The following CNTNAP5 variants were observed in gnomAD, a reference collection of about 807,000 sequenced individuals.
CNTNAP5 encodes the protein contactin-associated protein-like 5.
A neutral mutation model predicts 150.2 loss-of-function variants in CNTNAP5; 72 were observed. The observed-to-expected ratio is 0.48, with a 90% CI of 0.40 to 0.58. The LOEUF is 0.58. Ranked by LOEUF, CNTNAP5 falls within the 20% of genes least tolerant of loss-of-function variation. The pLI, the probability that CNTNAP5 is intolerant of heterozygous loss-of-function variation, is 0.00. For missense variants in CNTNAP5, 1,636 were observed against 1,626.2 expected (o/e 1.01, Z -0.10); for synonymous variants, 672 against 619.8 (o/e 1.08, Z -1.25).
intron 4 of CNTNAP5, among the ~76,000 whole-genome samples, chr2:124,421,050 TTCC>T (rs1378660257): frequency 2.0e-5 from 3 of 152,208 alleles, no homozygotes; most frequent in Non-Finnish European, 4.4e-5. Flanking sequence ...AACCTCGTTT[TTCC>T]TCCTATCTCA....
chr2:124,643,563 A>T (rs1020061931), intron 12 of CNTNAP5, among the ~76,000 whole-genome samples: 2 of 152,180 alleles, frequency 1.3e-5, no homozygotes, highest in East Asian at 3.9e-4. Context: ...ATCACAGTCC[A>T]TCGCACTTGT....
chr2:124,374,024 A>G (rs1330679893), intron 3 of CNTNAP5, among the ~76,000 whole-genome samples: 1 of 152,082 alleles, frequency 6.6e-6, no homozygotes, highest in Non-Finnish European at 1.5e-5. Flanking sequence ...TGTGCATAGA[A>G]GAGATAATAT....
chr2:124,295,946 T>C, intron 3 of CNTNAP5, among the ~76,000 whole-genome samples: 1 of 152,334 alleles, frequency 6.6e-6, no homozygotes, highest in South Asian at 2.1e-4. Context: ...AGGAAATTAA[T>C]AATAACAAAA....
At chr2:124,771,680 C>A (rs1681196148) in intron 16 of CNTNAP5, among the ~76,000 whole-genome samples, 1 of 151,898 alleles carries the variant, frequency 6.6e-6, no homozygotes, top group Non-Finnish European at 1.5e-5. Context: ...CCACTATCAT[C>A]ACCACCACCA....
intron 11 of CNTNAP5, among the ~76,000 whole-genome samples, chr2:124,600,545 C>T (rs7558706): frequency 0.43 from 65,989 of 151,832 alleles, 14,963 homozygotes; most frequent in East Asian, 0.8. Context: ...TTGCACCTGC[C>T]GCATCTCATG....
intron 12 of CNTNAP5, among the ~76,000 whole-genome samples, chr2:124,638,072 G>A (rs1172485189): frequency 6.6e-6 from 1 of 151,788 alleles, no homozygotes; most frequent in Non-Finnish European, 1.5e-5. Flanking sequence ...GCATGTGTGT[G>A]TGTGCGTGTA....
rs901371133 is a variant in CNTNAP5 at position 124,919,492 on chromosome 2, G to A, written c.*5204G>A. ...TTTTGGTTTCAACCACACCTGCTGC[G>A]AACTTGACGAGGAGGAAGAGGGGCC... On this transcript the variant is annotated 3_prime_UTR_variant, in exon 24 of 24. Transcript: ENST00000682447. Among the ~76,000 whole-genome samples the A allele has an allele frequency of 5.3e-5, 8 of 152,030 alleles. No homozygotes were observed. The highest frequency in any genetic ancestry group is 1.2e-4 in the Non-Finnish European group (8 of 67,988).
intron 13 of CNTNAP5, among the ~76,000 whole-genome samples, chr2:124,715,495 A>G (rs1019220307): frequency 9.9e-5 from 15 of 152,226 alleles, no homozygotes; most frequent in African/African-American, 2.9e-4. Context: ...AATACCAAAG[A>G]AAAAAGGAGG....
At chr2:124,298,468 G>T (rs1157018002) in intron 3 of CNTNAP5, among the ~76,000 whole-genome samples, 2 of 152,200 alleles carry the variant, frequency 1.3e-5, no homozygotes, top group Non-Finnish European at 2.9e-5. Context: ...ATATCTATGT[G>T]TAAGTGTTCA....
At chr2:124,358,706 C>T (rs975767289) in intron 3 of CNTNAP5, among the ~76,000 whole-genome samples, 1 of 152,134 alleles carries the variant, frequency 6.6e-6, no homozygotes, top group African/African-American at 2.4e-5. Flanking sequence ...TTCATTTTCC[C>T]AGTATTTTAT....
intron 13 of CNTNAP5, among the ~76,000 whole-genome samples, chr2:124,688,291 A>G (rs1013534306): frequency 6.6e-6 from 1 of 152,086 alleles, no homozygotes; most frequent in Non-Finnish European, 1.5e-5. Context: ...AACGAATAGA[A>G]TCCTGAGGGC....
chr2:124,783,499 G>T (rs181106342), intron 17 of CNTNAP5, among the ~76,000 whole-genome samples: 26 of 152,126 alleles, frequency 1.7e-4, no homozygotes, highest in African/African-American at 5.8e-4. Flanking sequence ...TTTAAAAAGT[G>T]CAATAAAGCC....
rs1312132308 is a variant in CNTNAP5 at position 124,147,924 on chromosome 2, G to A, written c.83-73781G>A. Among the ~76,000 whole-genome samples the A allele has an allele frequency of 5.3e-5, 8 of 152,154 alleles. No individual in the cohort carries two copies. The East Asian group carries it at 7.7e-4, about 15-fold the overall frequency. On this transcript the variant is annotated intron_variant, in intron 1 of 23. Transcript: ENST00000682447. ...GAGGCAGAAATGTTTCTGAGATGCC[G>A]AATAAAGCCGGCCGTTAGCCTTTGC...
chr2:124,153,576 A>G (rs913410414), intron 1 of CNTNAP5, among the ~76,000 whole-genome samples: 3 of 150,842 alleles, frequency 2.0e-5, no homozygotes, highest in African/African-American at 7.3e-5. Context: ...CCTTTACATG[A>G]AGATGAGGCA....
chr2:124,265,917 A>G (rs1407960515), intron 3 of CNTNAP5, among the ~76,000 whole-genome samples: 1 of 152,064 alleles, frequency 6.6e-6, no homozygotes, highest in African/African-American at 2.4e-5. Context: ...CCACAAGGGG[A>G]CAAACTGCAA....
chr2:124,305,111 CAAA>C (rs57896748), intron 3 of CNTNAP5, among the ~76,000 whole-genome samples: 3 of 86,408 alleles, frequency 3.5e-5, no homozygotes, highest in Non-Finnish European at 4.4e-5. Context: ...ACAAAAAATA[CAAA>C]AAAAAAAAAA....
intron 3 of CNTNAP5, among the ~76,000 whole-genome samples, chr2:124,383,691 T>A (rs535886832): frequency 6.6e-6 from 1 of 152,350 alleles, no homozygotes; most frequent in Admixed American, 6.5e-5. Flanking sequence ...AGGAGAAGGC[T>A]GATTTATGCA....
intron 19 of CNTNAP5, among the ~76,000 whole-genome samples, chr2:124,856,919 G>C (rs557369210): frequency 1.8e-4 from 28 of 152,278 alleles, no homozygotes; most frequent in African/African-American, 6.7e-4. Context: ...TGGATACTTA[G>C]AGCATGAGGT....
At chr2:124,803,112 C>CAAAAA (rs762676238) in intron 19 of CNTNAP5, among the ~76,000 whole-genome samples, 15 of 102,374 alleles carry the variant, frequency 1.5e-4, no homozygotes, top group African/African-American at 3.0e-4. Context: ...AAGACTCCTT[C>CAAAAA]AAAAAAAAAA....
Sources: gnomAD v4.1 joint callset for allele counts (sites outside exome capture counted in the v4.1 genomes callset) on GRCh38, gnomAD v4.1.1 for gene constraint, MANE v1.5 for transcripts, NCBI Gene and HGNC (gene_info 2026-07-23, HGNC 2026-07-21) for gene names.